ANKRD13C: variants seen among roughly 807,000 people sequenced by gnomAD.
The protein encoded by ANKRD13C is ankyrin repeat domain 13C, also known as ankyrin repeat domain-containing protein 13C.
ANKRD13C carries 16 observed loss-of-function variants against 65.5 expected under a neutral mutation model. The ratio of observed to expected loss-of-function variants is 0.24; its 90% CI spans 0.17 to 0.37. ANKRD13C has a LOEUF of 0.37. Among genes scored for constraint, ANKRD13C ranks in the 10% least tolerant of loss-of-function variants. The pLI is 1.00. For synonymous variants in ANKRD13C, 235 were observed against 238.7 expected, an observed-to-expected ratio of 0.98 and a Z score of 0.14; for missense variants, 503 against 655.9, an observed-to-expected ratio of 0.77 and a Z score of 2.55.
chr1:70,276,897 A>AT (rs1317189660), intron 9 of ANKRD13C, 53 bp from the exon 10 acceptor site: 1 of 1,355,728 alleles, frequency 7.4e-7, no homozygotes, highest in Admixed American at 2.2e-5. Context: ...GAAAGATGTT[A>AT]TTTTTTAAAT....
intron 1 of ANKRD13C, among the ~76,000 whole-genome samples, chr1:70,345,337 G>A (rs1480095729): frequency 6.6e-6 from 1 of 151,886 alleles, no homozygotes; most frequent in Non-Finnish European, 1.5e-5. Flanking sequence ...GCTGAAGCAG[G>A]AGAATCGCTT....
At chr1:70,342,711 G>A (rs1412874202) in intron 1 of ANKRD13C, among the ~76,000 whole-genome samples, 3 of 147,344 alleles carry the variant, frequency 2.0e-5, no homozygotes, top group Non-Finnish European at 3.0e-5. Flanking sequence ...TGCTCCAAAT[G>A]GTAAAGAAAG....
chr1:70,280,094 A>G (rs1679322789), intron 9 of ANKRD13C, among the ~76,000 whole-genome samples: 3 of 152,218 alleles, frequency 2.0e-5, no homozygotes, highest in Non-Finnish European at 4.4e-5. Flanking sequence ...GGATGTGGAA[A>G]GAAAGGAAAC....
At chr1:70,295,568 T>C (rs1680047600) in intron 8 of ANKRD13C, among the ~76,000 whole-genome samples, 1 of 152,144 alleles carries the variant, frequency 6.6e-6, no homozygotes, top group South Asian at 2.1e-4. Flanking sequence ...GAATATATAT[T>C]TGAATAGTCT....
In ANKRD13C at chr1:70,292,404, A is replaced by G; in HGVS notation, c.1199T>C (p.Met400Thr). ...AAATTATACCTCAAAATTCTGTTCC[A>G]TTATGTTTCCACCTTTACTCAAACT... ...MESLSKGGNI[M>T]EQNFEPIRRQ... The change falls in exon 9 of 13, where the codon ATG becomes ACG. Residue 400 changes from methionine (M) to threonine (T), a missense_variant. Transcript: ENST00000370944. 1.3e-6 allele frequency: 2 copies of G among 1,584,114 alleles called. No homozygotes were observed. Among genetic ancestry groups the G allele is most frequent in the South Asian group, 1.2e-5 (1 of 84,438 alleles).
chr1:70,301,057 G>T, intron 6 of ANKRD13C, 149 bp from the exon 7 acceptor site: 1 of 673,860 alleles, frequency 1.5e-6, no homozygotes, highest in Non-Finnish European at 2.3e-6. Context: ...CAAATTTATA[G>T]ATAAAAACTA....
At chr1:70,322,330 A>G (rs1681346758) in intron 3 of ANKRD13C, among the ~76,000 whole-genome samples, 1 of 152,208 alleles carries the variant, frequency 6.6e-6, no homozygotes, top group East Asian at 1.9e-4. Context: ...ATATTCAATT[A>G]ATTATCCTTT....
chr1:70,277,106 T>C (rs1271307513), intron 9 of ANKRD13C, among the ~76,000 whole-genome samples: 1 of 152,060 alleles, frequency 6.6e-6, no homozygotes, highest in African/African-American at 2.4e-5. Context: ...GCTTCAATCA[T>C]CTAAAATGTT....
chr1:70,347,371 CT>C (rs78319205), intron 1 of ANKRD13C, among the ~76,000 whole-genome samples: 17,389 of 152,048 alleles, frequency 0.11, 1,197 homozygotes, highest in East Asian at 0.33. Context: ...ACACTGTACT[CT>C]TGAATTAAAG....
intron 3 of ANKRD13C, among the ~76,000 whole-genome samples, chr1:70,318,897 G>C (rs1422882703): frequency 1.3e-5 from 2 of 151,950 alleles, no homozygotes; most frequent in Non-Finnish European, 1.5e-5. Context: ...TGGCCAGGAT[G>C]GTCTCGATCT....
chr1:70,354,025 GA>G lies in ANKRD13C; in HGVS notation c.383del (p.Leu128ProfsTer25). The G allele has an allele frequency of 6.4e-7, 1 of 1,564,742 alleles. No individual in the cohort carries two copies. Among genetic ancestry groups the G allele is most frequent in the Non-Finnish European group, 8.7e-7 (1 of 1,155,110 alleles). ...TATTGTGCGTGCGGATGAGAGAGGAGAGTCTCCTCACATCCCCCTTGAAGAC... is the reference window on the plus strand; with the variant it reads ...TATTGTGCGTGCGGATGAGAGAGGAGGTCTCCTCACATCCCCCTTGAAGAC... The part of the protein sequence containing the change: ...ECVFKGDVRR[L>X]SSLIRTHNIG... On this transcript the variant is annotated frameshift_variant, in exon 1 of 13. Coordinates refer to ENST00000370944, the MANE Select transcript of ANKRD13C (RefSeq NM_030816.5). LOFTEE classifies it high-confidence loss of function.
chr1:70,330,138 G>C (rs895312567), intron 2 of ANKRD13C, among the ~76,000 whole-genome samples: 3 of 151,090 alleles, frequency 2.0e-5, no homozygotes, highest in African/African-American at 7.3e-5. Flanking sequence ...TCTCAGTAAT[G>C]TTAACAATGC....
rs948342636 is a variant in ANKRD13C at position 70,345,163 on chromosome 1, C to T, written c.430+8816G>A. ...TTGGTTGCACAGCTGGGCGCGGTGG[C>T]TCACTCCTGTAATCCCAATACTTTG... is the stretch of plus-strand genomic sequence containing the variant. On this transcript the variant is annotated intron_variant, in intron 1 of 12. Coordinates refer to ENST00000370944, the MANE Select transcript of ANKRD13C (RefSeq NM_030816.5). 3.3e-5 allele frequency among the ~76,000 whole-genome samples: 5 copies of T among 152,080 alleles called. No homozygotes were observed. In the South Asian group the frequency reaches 1.0e-3, roughly 32 times the overall value.
intron 2 of ANKRD13C, among the ~76,000 whole-genome samples, chr1:70,333,995 G>A (rs1355429925): frequency 6.6e-6 from 1 of 152,098 alleles, no homozygotes; most frequent in African/African-American, 2.4e-5. Context: ...TAACATTGAA[G>A]ATACAGATTT....
intron 9 of ANKRD13C, among the ~76,000 whole-genome samples, chr1:70,289,964 C>T (rs1049422501): frequency 6.6e-6 from 1 of 152,194 alleles, no homozygotes; most frequent in African/African-American, 2.4e-5. Flanking sequence ...ATTAATTCAT[C>T]TCCATTTCTA....
chr1:70,274,473 C>CAAAAA (rs769480539), intron 11 of ANKRD13C, among the ~76,000 whole-genome samples: 33 of 38,416 alleles, frequency 8.6e-4, no homozygotes, highest in African/African-American at 1.4e-3. Flanking sequence ...GACTCCATCT[C>CAAAAA]AAAAAAAAAA....
chr1:70,296,327 G>A, intron 7 of ANKRD13C, 66 bp from the exon 8 acceptor site: 2 of 1,463,960 alleles, frequency 1.4e-6, no homozygotes, highest in Non-Finnish European at 1.8e-6. Context: ...TACTACATAT[G>A]AAAATATCAA....
In ANKRD13C at chr1:70,354,516, C is replaced by G; in HGVS notation, c.-108G>C. ...GAGCGGTGGCCAAGAGCCTCCAGCG[C>G]AGCATGAACTCCCACTGAGCCCCCG... On this transcript the variant is annotated 5_prime_UTR_variant, in exon 1 of 13. Transcript: ENST00000370944. 6.9e-7 allele frequency: 1 copy of G among 1,455,106 alleles called. No individual in the cohort carries two copies. Among genetic ancestry groups the G allele is most frequent in the Non-Finnish European group, 9.0e-7 (1 of 1,109,290 alleles). The allele number at this position is 1,455,106 out of a possible 1,614,324, so 90.1% of individuals were successfully genotyped here.
At chr1:70,292,248 A>T in intron 9 of ANKRD13C, 140 bp downstream of exon 9, 1 of 602,302 alleles carries the variant, frequency 1.7e-6, no homozygotes, top group Non-Finnish European at 2.6e-6. Flanking sequence ...ACATCAACGA[A>T]ATGAAGATTC....
Sources: allele counts gnomAD v4.1 joint callset (sites outside exome capture counted in the v4.1 genomes callset), GRCh38; gene constraint gnomAD v4.1.1; transcripts MANE v1.5; gene names NCBI Gene and HGNC (gene_info 2026-07-23, HGNC 2026-07-21).